The following SLC4A4 variants were observed in gnomAD, a reference collection of about 807,000 sequenced individuals.
SLC4A4 encodes the protein solute carrier family 4 member 4, also known as electrogenic sodium bicarbonate cotransporter 1.
In SLC4A4, 27 loss-of-function variants were observed where a neutral mutation model predicts 111.5. The ratio of observed to expected loss-of-function variants is 0.24; its 90% CI spans 0.18 to 0.33. The LOEUF (loss-of-function observed/expected upper bound fraction) is 0.33, where lower values mean the gene tolerates loss of function less well. Among genes scored for constraint, SLC4A4 ranks in the 10% least tolerant of loss-of-function variants. The pLI, the probability that SLC4A4 is intolerant of heterozygous loss-of-function variation, is 1.00. For synonymous variants in SLC4A4, 443 were observed against 463.4 expected (o/e 0.96, Z 0.57); for missense variants, 909 against 1,315.5 (o/e 0.69, Z 4.78).
chr4:71,511,587 G>A (rs1046176590), intron 16 of SLC4A4, among the ~76,000 whole-genome samples: 1 of 151,756 alleles, frequency 6.6e-6, no homozygotes, highest in African/African-American at 2.4e-5. Context: ...CAAATTTATG[G>A]GGTATGTGTG....
intron 16 of SLC4A4, among the ~76,000 whole-genome samples, chr4:71,514,840 C>A (rs1732238437): frequency 6.6e-6 from 1 of 151,956 alleles, no homozygotes; most frequent in Non-Finnish European, 1.5e-5. Context: ...GTAATGTGTC[C>A]TTTTTCATTT....
chr4:71,554,346 G>A (rs1370824872), intron 20 of SLC4A4, among the ~76,000 whole-genome samples: 1 of 151,712 alleles, frequency 6.6e-6, no homozygotes, highest in Non-Finnish European at 1.5e-5. Context: ...TCAAACAGAA[G>A]ACTTCCCAGA....
intron 6 of SLC4A4, among the ~76,000 whole-genome samples, chr4:71,362,975 A>T (rs2148920859): frequency 6.6e-6 from 1 of 152,146 alleles, no homozygotes; most frequent in East Asian, 1.9e-4. Context: ...CCTCTTTTTT[A>T]ATTCAAATAT....
intron 2 of SLC4A4, among the ~76,000 whole-genome samples, chr4:71,156,068 A>ATGT (rs1438647891): frequency 6.6e-6 from 1 of 152,162 alleles, no homozygotes; most frequent in Non-Finnish European, 1.5e-5. Context: ...CTTCCTTATT[A>ATGT]TGTTGTTTTC....
chr4:71,548,980 G>A (rs1279502655), intron 20 of SLC4A4, among the ~76,000 whole-genome samples: 1 of 151,706 alleles, frequency 6.6e-6, no homozygotes, highest in Non-Finnish European at 1.5e-5. Flanking sequence ...TTTTTCCTTG[G>A]TTTCCACAAT....
At chr4:71,303,449 CT>C (rs2148843782) in intron 3 of SLC4A4, among the ~76,000 whole-genome samples, 2 of 152,272 alleles carry the variant, frequency 1.3e-5, no homozygotes, top group Non-Finnish European at 2.9e-5. Flanking sequence ...CACTTTTTAT[CT>C]TCTGTTGTCT....
At chr4:71,067,464 C>T (rs368446088) in intron 1 of SLC4A4, among the ~76,000 whole-genome samples, 14 of 152,240 alleles carry the variant, frequency 9.2e-5, no homozygotes, top group African/African-American at 3.4e-4. Flanking sequence ...CTATTTTGTT[C>T]TGCACTGTGC....
chr4:71,300,610 A>C (rs1725167765), intron 3 of SLC4A4: 1 of 297,444 alleles, frequency 3.4e-6, no homozygotes, highest in Non-Finnish European at 6.8e-6. Context: ...CCGTCTCTTC[A>C]TGAGCAGCTC....
intron 1 of SLC4A4, among the ~76,000 whole-genome samples, chr4:71,208,810 T>C (rs2602100): frequency 0.09 from 13,721 of 152,208 alleles, 961 homozygotes; most frequent in Admixed American, 0.24. Flanking sequence ...TCCCACACCA[T>C]TTATACCATC....
At chr4:71,422,392 G>A (rs1225283940) in intron 7 of SLC4A4, among the ~76,000 whole-genome samples, 4 of 147,318 alleles carry the variant, frequency 2.7e-5, no homozygotes, top group South Asian at 2.2e-4. Context: ...ATTCACAGCC[G>A]AATTCTACCA....
intron 6 of SLC4A4, among the ~76,000 whole-genome samples, chr4:71,368,549 A>G (rs1298693268): frequency 6.6e-6 from 1 of 152,216 alleles, no homozygotes; most frequent in Non-Finnish European, 1.5e-5. Context: ...CCATTTGTGC[A>G]TAAGATCCAT....
At chr4:71,184,935 G>A (rs73828763), upstream of SLC4A4, among the ~76,000 whole-genome samples, 945 of 152,272 alleles carry the variant, frequency 6.2e-3, 9 homozygotes, top group African/African-American at 0.021. Context: ...GGTTGTCAAC[G>A]CTTTGCCAAA....
chr4:71,300,562 G>T, intron 3 of SLC4A4: 1 of 276,706 alleles, frequency 3.6e-6, no homozygotes, highest in Non-Finnish European at 7.3e-6. Context: ...CACACCAAAG[G>T]TGTAGAGGAA....
chr4:71,370,085 A>G (rs1178738012), intron 6 of SLC4A4, among the ~76,000 whole-genome samples: 4 of 152,236 alleles, frequency 2.6e-5, no homozygotes, highest in African/African-American at 9.6e-5. Flanking sequence ...TCCTTGAATA[A>G]TAAAAGTTAC....
At chr4:71,306,768 C>T (rs1207868882) in intron 3 of SLC4A4, among the ~76,000 whole-genome samples, 1 of 152,160 alleles carries the variant, frequency 6.6e-6, no homozygotes, top group Non-Finnish European at 1.5e-5. Context: ...TCACAAATAA[C>T]TCAGTTACCT....
intron 7 of SLC4A4, 90 bp from the exon 8 acceptor site, chr4:71,440,526 G>A: frequency 7.1e-7 from 1 of 1,407,296 alleles, no homozygotes; most frequent in Non-Finnish European, 1.0e-6. Context: ...TACATGGGAA[G>A]GCCCTTTTTG....
intron 20 of SLC4A4, among the ~76,000 whole-genome samples, chr4:71,552,350 TAC>T (rs376469983): frequency 1.1e-4 from 16 of 150,666 alleles, no homozygotes; most frequent in Admixed American, 4.6e-4. Context: ...CATTCACATG[TAC>T]ACACACACAC....
intron 16 of SLC4A4, among the ~76,000 whole-genome samples, chr4:71,517,342 G>GATTCTT (rs1386703426): frequency 2.0e-5 from 3 of 151,294 alleles, no homozygotes; most frequent in Non-Finnish European, 4.4e-5. Flanking sequence ...TAAGTTCACA[G>GATTCTT]ATTCTTCTGC....
chr4:71,086,782 T>G (rs901497559), intron 1 of SLC4A4, among the ~76,000 whole-genome samples: 4 of 152,086 alleles, frequency 2.6e-5, no homozygotes, highest in Non-Finnish European at 5.9e-5. Flanking sequence ...ATAAGCTTCT[T>G]GATGGGCTGC....
Sources: gnomAD v4.1 joint callset for allele counts (sites outside exome capture counted in the v4.1 genomes callset) on GRCh38, gnomAD v4.1.1 for gene constraint, MANE v1.5 for transcripts, NCBI Gene and HGNC (gene_info 2026-07-23, HGNC 2026-07-21) for gene names.